Variants in PTPRD observed in about 807,000 individuals in gnomAD.
PTPRD encodes protein tyrosine phosphatase receptor type D, also known as receptor-type tyrosine-protein phosphatase delta.
A neutral mutation model predicts 214.5 loss-of-function variants in PTPRD; 34 were observed. That is an observed-to-expected ratio of 0.16 (90% confidence interval 0.12 to 0.21). PTPRD has a LOEUF of 0.21. PTPRD is among the 10% of genes least tolerant of loss of function. PTPRD has a pLI of 1.00. For synonymous variants in PTPRD, 1,128 were observed against 845.7 expected (o/e 1.33, Z -5.79); for missense variants, 2,545 against 2,398.7 (o/e 1.06, Z -1.27).
intron 9 of PTPRD, among the ~76,000 whole-genome samples, chr9:9,370,941 C>A (rs200288080): frequency 6.6e-6 from 1 of 152,242 alleles, no homozygotes; most frequent in Non-Finnish European, 1.5e-5. Context: ...TTGAACCAGC[C>A]TTGCATCCCA....
chr9:10,194,169 T>C (rs2099386532), intron 3 of PTPRD, among the ~76,000 whole-genome samples: 1 of 152,086 alleles, frequency 6.6e-6, no homozygotes, highest in South Asian at 2.1e-4. Flanking sequence ...TTGATGCCTC[T>C]TCCCATCGTG....
chr9:9,209,873 T>C (rs908626180), intron 9 of PTPRD, among the ~76,000 whole-genome samples: 57 of 152,260 alleles, frequency 3.7e-4, no homozygotes, highest in African/African-American at 9.6e-4. Flanking sequence ...CTGGGTCAGA[T>C]ACAAAGGACT....
At chr9:9,259,202 T>C (rs2099979032) in intron 9 of PTPRD, among the ~76,000 whole-genome samples, 1 of 151,872 alleles carries the variant, frequency 6.6e-6, no homozygotes, top group Non-Finnish European at 1.5e-5. Flanking sequence ...CTGCCAGACA[T>C]GGGACTAGAA....
intron 7 of PTPRD, among the ~76,000 whole-genome samples, chr9:9,708,476 T>G (rs2097667324): frequency 6.6e-6 from 1 of 152,104 alleles, no homozygotes; most frequent in African/African-American, 2.4e-5. Context: ...TAGTCAATTA[T>G]TTGCATTATT....
At chr9:10,219,646 A>T (rs1274288517) in intron 3 of PTPRD, among the ~76,000 whole-genome samples, 2 of 151,802 alleles carry the variant, frequency 1.3e-5, no homozygotes, top group Non-Finnish European at 2.9e-5. Flanking sequence ...AATCAAATAA[A>T]TTTTTTAAAA....
intron 4 of PTPRD, among the ~76,000 whole-genome samples, chr9:9,994,543 C>T (rs2096059749): frequency 6.6e-6 from 1 of 151,918 alleles, no homozygotes; most frequent in Non-Finnish European, 1.5e-5. Context: ...TGTTATAACA[C>T]AATCTGTTAA....
rs770964584 is a variant in PTPRD at position 8,499,843 on chromosome 9, G to A, written c.2129-3C>T. 4 of 1,601,400 alleles carry A rather than the reference G, an allele frequency of 2.5e-6. No individual in the cohort carries two copies. The highest frequency in any genetic ancestry group is 2.3e-5 in the South Asian group (2 of 88,670). On this transcript the variant is annotated splice_region_variant and splice_polypyrimidine_tract_variant and intron_variant, in intron 24 of 45. Transcript: ENST00000381196. ...TTTGCGAGGAGGACCACTAGGAACT[G>A]GAACAACATCATTGGATAAAAGAAA...
Position 10,111,229 on chromosome 9 carries a change from C to CTTTTTTT in PTPRD, c.-544-77446_-544-77440dup, listed in dbSNP as rs34045121. Among the ~76,000 whole-genome samples the CTTTTTTT allele has an allele frequency of 4.2e-4, 30 of 72,192 alleles. 5 individuals are homozygous for CTTTTTTT. The highest frequency in any genetic ancestry group is 1.0e-3 in the African/African-American group (18 of 17,516). 47.4% of individuals were successfully genotyped at this position (72,192 alleles called of 152,430 possible). On this transcript the variant is annotated intron_variant, in intron 3 of 45. Coordinates refer to ENST00000381196, the MANE Select transcript of PTPRD (RefSeq NM_002839.4). ...AATCTGTGTGCTTCCAGTTTAGTTT[C>CTTTTTTT]TTTTTTTTTTTTTTTTTTTTTTTTT...
chr9:9,110,995 G>C (rs1037073088), intron 10 of PTPRD, among the ~76,000 whole-genome samples: 5 of 151,908 alleles, frequency 3.3e-5, no homozygotes, highest in African/African-American at 7.3e-5. Flanking sequence ...AAGCTTTACC[G>C]ATCTCTGTGA....
chr9:9,002,575 C>T (rs962685237), intron 11 of PTPRD, among the ~76,000 whole-genome samples: 1 of 152,110 alleles, frequency 6.6e-6, no homozygotes, highest in Non-Finnish European at 1.5e-5. Context: ...ATAGAATTCT[C>T]CACACCAACA....
At position 8,341,284 on chromosome 9, in the gene PTPRD, A is replaced by G. The variant is rs200914995; in HGVS notation, c.4948-16T>C. 225 of 1,553,694 alleles carry G rather than the reference A, an allele frequency of 1.4e-4. No homozygotes were observed. In the African/African-American group the frequency reaches 2.8e-3, roughly 20 times the overall value. The stretch of plus-strand genomic sequence containing the variant: ...TGGCTAGACGCTGTTGAATAGGAAA[A>G]AAAAAAAAGGAAAAACCCAACAAAG... On this transcript the variant is annotated splice_polypyrimidine_tract_variant and intron_variant, in intron 40 of 45. Coordinates refer to ENST00000381196, the MANE Select transcript of PTPRD (RefSeq NM_002839.4).
At chr9:8,708,697 A>C (rs1597572679) in intron 12 of PTPRD, among the ~76,000 whole-genome samples, 1 of 148,062 alleles carries the variant, frequency 6.8e-6, no homozygotes, top group African/African-American at 2.4e-5. Context: ...AAAAAAAAAA[A>C]AAAAAAACAG....
chr9:10,369,337 G>T (rs2097569791), intron 2 of PTPRD, among the ~76,000 whole-genome samples: 1 of 151,932 alleles, frequency 6.6e-6, no homozygotes, highest in Admixed American at 6.6e-5. Context: ...AACATGAAAT[G>T]GCAGGTGTGC....
chr9:9,927,383 A>C (rs759668306), intron 5 of PTPRD, among the ~76,000 whole-genome samples: 4 of 152,226 alleles, frequency 2.6e-5, no homozygotes, highest in South Asian at 2.1e-4. Context: ...TGCCCTCTAC[A>C]TTCAAATTCA....
At chr9:9,542,971 C>T (rs1419843919) in intron 8 of PTPRD, among the ~76,000 whole-genome samples, 1 of 151,632 alleles carries the variant, frequency 6.6e-6, no homozygotes, top group Non-Finnish European at 1.5e-5. Context: ...CAGTAATTCT[C>T]TAACAGATAT....
At chr9:9,591,221 G>T (rs2092694112) in intron 7 of PTPRD, among the ~76,000 whole-genome samples, 1 of 130,436 alleles carries the variant, frequency 7.7e-6, no homozygotes, top group Non-Finnish European at 1.7e-5. Context: ...AGCGTGAGAG[G>T]GAGGAACCTG....
At chr9:8,894,296 A>G (rs1310295296) in intron 11 of PTPRD, among the ~76,000 whole-genome samples, 1 of 143,562 alleles carries the variant, frequency 7.0e-6, no homozygotes, top group Non-Finnish European at 1.5e-5. Context: ...CAGAGGTTTC[A>G]GTGAGCCAAC....
At chr9:8,376,844 T>A in intron 37 of PTPRD, 118 bp from the exon 38 acceptor site, 1 of 1,364,294 alleles carries the variant, frequency 7.3e-7, no homozygotes, top group Non-Finnish European at 1.0e-6. Context: ...GTTGATCTTT[T>A]TCTGGCATGC....
chr9:10,463,793 G>C (rs1645155806), intron 2 of PTPRD, among the ~76,000 whole-genome samples: 1 of 152,028 alleles, frequency 6.6e-6, no homozygotes, highest in Non-Finnish European at 1.5e-5. Flanking sequence ...TGTGATCCAA[G>C]AACTCTGCTT....
Sources: gnomAD v4.1 joint callset for allele counts (sites outside exome capture counted in the v4.1 genomes callset) on GRCh38, gnomAD v4.1.1 for gene constraint, MANE v1.5 for transcripts, NCBI Gene and HGNC (gene_info 2026-07-23, HGNC 2026-07-21) for gene names.